Variants in ADGRL3 observed in about 807,000 individuals in gnomAD.
ADGRL3 encodes the protein adhesion G protein-coupled receptor L3.
In ADGRL3, 62 loss-of-function variants were observed where a neutral mutation model predicts 153.5. That is an observed-to-expected ratio of 0.40 (90% CI 0.33 to 0.50). The LOEUF (loss-of-function observed/expected upper bound fraction) is 0.50, where lower values mean the gene tolerates loss of function less well. ADGRL3 is among the 20% of genes least tolerant of loss of function. The pLI is 0.47. For synonymous variants in ADGRL3, 710 were observed against 672.5 expected (o/e 1.06, Z -0.86); for missense variants, 1,641 against 1,859.4 (o/e 0.88, Z 2.16).
chr4:62,042,106 C>T (rs982948283), intron 24 of ADGRL3, among the ~76,000 whole-genome samples: 2 of 151,914 alleles, frequency 1.3e-5, no homozygotes, highest in East Asian at 3.9e-4. Flanking sequence ...TGTATATGCA[C>T]ACACATGCAC....
At chr4:61,895,672 C>A in intron 10 of ADGRL3, 59 bp from the exon 11 acceptor site, 3 of 835,612 alleles carry the variant, frequency 3.6e-6, no homozygotes, top group South Asian at 3.4e-5. Context: ...TTAAAATATA[C>A]CATGGATGTG....
intron 9 of ADGRL3, among the ~76,000 whole-genome samples, chr4:61,822,658 C>T (rs2097766464): frequency 6.6e-6 from 1 of 152,094 alleles, no homozygotes; most frequent in East Asian, 1.9e-4. Flanking sequence ...TTAGCATACT[C>T]TTTCTGCCCC....
chr4:61,514,743 T>C (rs1417739911), intron 3 of ADGRL3, among the ~76,000 whole-genome samples: 8 of 152,206 alleles, frequency 5.3e-5, no homozygotes, highest in Non-Finnish European at 1.0e-4. Flanking sequence ...CCTGGTATTT[T>C]GTATTCTTTA....
Position 61,235,471 on chromosome 4 carries a change from A to G in ADGRL3, c.-240+33706A>G, listed in dbSNP as rs374490873. Reference sequence around the variant, plus strand: ...TGTAGTGTATTAGAGCTTGTAGACTAAAGTGTTGCTTACAGAAGTGAGAAA... The same window carrying G: ...TGTAGTGTATTAGAGCTTGTAGACTGAAGTGTTGCTTACAGAAGTGAGAAA... On this transcript the variant is annotated intron_variant, in intron 1 of 26. Transcript: ENST00000683033. Among the ~76,000 whole-genome samples, 111 of 152,318 alleles carry G rather than the reference A, an allele frequency of 7.3e-4. 2 individuals are homozygous for G. The South Asian group carries it at 0.02, about 28-fold the overall frequency.
intron 25 of ADGRL3, among the ~76,000 whole-genome samples, chr4:62,066,683 G>A (rs1473030222): frequency 6.6e-6 from 1 of 151,948 alleles, no homozygotes; most frequent in African/African-American, 2.4e-5. Context: ...CAATTCTAAA[G>A]CTTTAAAGAA....
chr4:61,818,584 CCCCA>C (rs2097714657), intron 9 of ADGRL3, among the ~76,000 whole-genome samples: 1 of 152,094 alleles, frequency 6.6e-6, no homozygotes, highest in Admixed American at 6.6e-5. Flanking sequence ...TCCCACTAGG[CCCCA>C]CCTCCAACAT....
chr4:61,726,210 G>GTTTTTGTTTTTTTTTTTTTTTTT lies in ADGRL3; in HGVS notation c.584-4407_584-4406insGTTTTTTTTTTTTTTTTTTTTTT, dbSNP rs2096336878. Among the ~76,000 whole-genome samples the GTTTTTGTTTTTTTTTTTTTTTTT allele has an allele frequency of 4.2e-5, 5 of 118,478 alleles. No individual in the cohort carries two copies. In the Admixed American group the frequency reaches 5.1e-4, roughly 12 times the overall value. 77.7% of individuals were successfully genotyped at this position (118,478 alleles called of 152,430 possible). A position where few individuals can be genotyped will look rare whatever the true frequency, so the allele number is the denominator to read the frequency against. On this transcript the variant is annotated intron_variant, in intron 6 of 26. Transcript: ENST00000683033. ...AATACTCACTGGAACTTTTTTTTTT[G>GTTTTTGTTTTTTTTTTTTTTTTT]TTTTTTGAGAAGGAGTCTCACCCTG... is the stretch of plus-strand genomic sequence containing the variant.
At chr4:61,886,708 C>G (rs1241884872) in intron 9 of ADGRL3, among the ~76,000 whole-genome samples, 1 of 152,010 alleles carries the variant, frequency 6.6e-6, no homozygotes, top group Non-Finnish European at 1.5e-5. Context: ...GTGGGGCAAC[C>G]TGGGTTCACT....
At position 61,311,390 on chromosome 4, in the gene ADGRL3, T is replaced by G. The variant is rs564136522; in HGVS notation, c.-239-71734T>G. Among the ~76,000 whole-genome samples the G allele has an allele frequency of 2.6e-5, 4 of 152,304 alleles. No homozygotes were observed. The East Asian group carries it at 7.7e-4, about 29-fold the overall frequency. On this transcript the variant is annotated intron_variant, in intron 1 of 26. Coordinates refer to ENST00000683033, the MANE Select transcript of ADGRL3 (RefSeq NM_001387552.1). ...TTTGGAAGGCCAGGTCTGCTCACAT[T>G]TTATAAGCCAAAACTCAGTCATGTC... is the stretch of plus-strand genomic sequence containing the variant.
rs201912109 is a variant in ADGRL3, at chr4:61,648,989, TTTAAA to T, written c.474-27833_474-27829del. 8.5e-3 allele frequency among the ~76,000 whole-genome samples: 1,289 copies of T among 152,136 alleles called. 20 individuals are homozygous for T. Among genetic ancestry groups the T allele is most frequent in the South Asian group, 0.062 (298 of 4,832 alleles). On this transcript the variant is annotated intron_variant, in intron 5 of 26. Coordinates refer to ENST00000683033, the MANE Select transcript of ADGRL3 (RefSeq NM_001387552.1). Reference sequence around the variant, plus strand: ...TATCTTTCTTACTTTTAAGTTTTTCTTTAAATTATGTTTCCCAGCAACCCCAAATC... The same window carrying T: ...TATCTTTCTTACTTTTAAGTTTTTCTTTATGTTTCCCAGCAACCCCAAATC...
intron 4 of ADGRL3, among the ~76,000 whole-genome samples, chr4:61,529,563 T>G (rs2098599462): frequency 6.6e-6 from 1 of 152,150 alleles, no homozygotes; most frequent in Admixed American, 6.5e-5. Context: ...TAAATTGAAG[T>G]AAATTATTTT....
At chr4:61,994,579 A>G (rs2099115384) in intron 19 of ADGRL3, among the ~76,000 whole-genome samples, 1 of 152,126 alleles carries the variant, frequency 6.6e-6, no homozygotes, top group Non-Finnish European at 1.5e-5. Context: ...GCCAAAAACC[A>G]TAATAAACAT....
At chr4:61,677,236 A>G (rs899960222) in intron 6 of ADGRL3, 1 of 321,908 alleles carries the variant, frequency 3.1e-6, no homozygotes, top group African/African-American at 2.1e-5. Context: ...TGTTATACCA[A>G]TTCTCCAGGT....
intron 4 of ADGRL3, among the ~76,000 whole-genome samples, chr4:61,562,944 CAAAA>C (rs35146786): frequency 1.0e-4 from 11 of 105,910 alleles, no homozygotes; most frequent in Admixed American, 2.9e-4. Flanking sequence ...GACCCTGTCT[CAAAA>C]AAAAAAAAAA....
intron 4 of ADGRL3, chr4:61,579,462 A>G: frequency 3.5e-6 from 1 of 289,776 alleles, no homozygotes; most frequent in Admixed American, 4.3e-5. Flanking sequence ...AGTGATTTCT[A>G]TTAAATGTTG....
chr4:61,347,414 G>A (rs906598472), intron 1 of ADGRL3, among the ~76,000 whole-genome samples: 4 of 152,040 alleles, frequency 2.6e-5, no homozygotes, highest in African/African-American at 9.7e-5. Context: ...AGCACATTGT[G>A]TTATTAACAC....
At chr4:61,414,507 A>G (rs2097125077) in intron 2 of ADGRL3, among the ~76,000 whole-genome samples, 1 of 152,148 alleles carries the variant, frequency 6.6e-6, no homozygotes, top group African/African-American at 2.4e-5. Context: ...TCTGGTAAAT[A>G]GATGAGTTAC....
At chr4:61,381,479 A>T (rs1357841473) in intron 1 of ADGRL3, among the ~76,000 whole-genome samples, 1 of 151,952 alleles carries the variant, frequency 6.6e-6, no homozygotes, top group Non-Finnish European at 1.5e-5. Flanking sequence ...GTAGCTTTCA[A>T]CAAAATAGAG....
intron 17 of ADGRL3, among the ~76,000 whole-genome samples, chr4:61,976,597 C>T (rs754148776): frequency 6.6e-6 from 1 of 152,112 alleles, no homozygotes; most frequent in African/African-American, 2.4e-5. Context: ...GAGAAGGTGA[C>T]ATTTGATAAT....
Sources: allele counts gnomAD v4.1 joint callset (sites outside exome capture counted in the v4.1 genomes callset), GRCh38; gene constraint gnomAD v4.1.1; transcripts MANE v1.5; gene names NCBI Gene and HGNC (gene_info 2026-07-23, HGNC 2026-07-21).